The following GNRH2 variants were observed in gnomAD, a reference collection of about 807,000 sequenced individuals.
GNRH2 encodes the protein gonadotropin releasing hormone 2, also known as progonadoliberin-2.
GNRH2 carries 15 observed loss-of-function variants against 12.1 expected under a neutral mutation model. The observed-to-expected ratio is 1.24, with a 90% confidence interval of 0.83 to 1.90. The LOEUF is 1.90. GNRH2 is among the 40% of genes most tolerant of loss of function. The pLI is 0.00. For synonymous variants in GNRH2, 60 were observed against 62.0 expected (o/e 0.97, Z 0.15); for missense variants, 143 against 141.4 (o/e 1.01, Z -0.06).
Position 3,044,460 on chromosome 20 carries a change from G to C in GNRH2, c.46G>C (p.Ala16Pro). The change falls in exon 2 of 4, where the codon GCC becomes CCC. Residue 16 changes from alanine (A) to proline (P), a missense_variant. Physicochemically the swap from Ala to Pro is conservative, Grantham distance 27 (BLOSUM62 -1). Transcript: ENST00000359100. ...RGLLLLLLLT[A>P]HLGPSEAQHW... is the part of the protein sequence containing the mutation. ...CCTCCTGCTCCTGCTGCTGCTGACT[G>C]CCCACCTTGGACCCTCAGAGGCTCA... The C allele has an allele frequency of 6.2e-7, 1 of 1,613,482 alleles. No homozygotes were observed. The highest frequency in any genetic ancestry group is 8.5e-7 in the Non-Finnish European group (1 of 1,179,660).
At chr20:3,043,752 C>G (rs2065957851) in intron 1 of GNRH2, 87 bp downstream of exon 1, 1 of 152,610 alleles carries the variant, frequency 6.6e-6, no homozygotes, top group Non-Finnish European at 1.5e-5. Context: ...TTCCCCATTC[C>G]CAGGTGCCTC....
Position 3,044,707 on chromosome 20 carries a change from C to T in GNRH2, c.162C>T (p.Ser54=), listed in dbSNP as rs763222586. ...GGGCCCTGGACACTGCAGCAGGCAG[C>T]CCAGTCCAGACTGCCCATGGCCTCC... ...PQNALRPPAG[S]PVQTAHGLPS... Residue 54 remains serine, a synonymous_variant, in exon 3 of 4, where the codon AGC becomes AGT. Transcript: ENST00000359100. 1.2e-6 allele frequency: 2 copies of T among 1,610,022 alleles called. No individual in the cohort carries two copies. The highest frequency in any genetic ancestry group is 8.5e-7 in the Non-Finnish European group (1 of 1,177,836).
At chr20:3,043,751 C>T (rs1447012231) in intron 1 of GNRH2, 86 bp downstream of exon 1, 3 of 152,658 alleles carry the variant, frequency 2.0e-5, no homozygotes, top group Admixed American at 6.5e-5. Context: ...CTTCCCCATT[C>T]CCAGGTGCCT....
At chr20:3,045,197 A>T (rs2065975896) in intron 3 of GNRH2, among the ~76,000 whole-genome samples, 1 of 151,120 alleles carries the variant, frequency 6.6e-6, no homozygotes, top group South Asian at 2.1e-4. Context: ...GCCAGTGGAA[A>T]GAGGTGAGGG....
intron 3 of GNRH2, 86 bp downstream of exon 3, chr20:3,044,922 T>G (rs1600306190): frequency 5.5e-5 from 62 of 1,120,816 alleles, no homozygotes; most frequent in African/African-American, 7.7e-5. Context: ...GCTGGGAGGG[T>G]GGGGAGAATG....
At chr20:3,044,135 G>A in intron 1 of GNRH2, 1 of 453,244 alleles carries the variant, frequency 2.2e-6, no homozygotes, top group Non-Finnish European at 4.0e-6. Flanking sequence ...CTGGACAAGT[G>A]GGAGGGCCCT....
chr20:3,044,286 G>C (rs2065962110), intron 1 of GNRH2, 122 bp from the exon 2 acceptor site: 1 of 720,788 alleles, frequency 1.4e-6, no homozygotes, highest in Non-Finnish European at 2.4e-6. Flanking sequence ...GGCAGAGAGG[G>C]AAGGGCATAA....
At position 3,045,708 on chromosome 20, in the gene GNRH2, C is replaced by T. The variant is rs761550854; in HGVS notation, c.314C>T (p.Pro105Leu). 6.2e-7 allele frequency: 1 copy of T among 1,610,842 alleles called. No homozygotes were observed. Among genetic ancestry groups the T allele is most frequent in the South Asian group, 1.1e-5 (1 of 90,916 alleles). ...TLLTAAREPR[P>L]APPSSNKV The stretch of plus-strand genomic sequence containing the variant: ...CAGACCGCAGCCCGAGAGCCCCGCC[C>T]CGCCCCGCCATCCTCCAATAAAGTG... The change falls in exon 4 of 4, where the codon CCC (proline) becomes CTC (leucine). Residue 105 changes from proline (P) to leucine (L), a missense_variant. By Grantham distance (98) the Pro-to-Leu change is moderately conservative. Coordinates refer to ENST00000359100, the MANE Select transcript of GNRH2 (RefSeq NM_178331.2).
chr20:3,044,963 A>G, intron 3 of GNRH2, 127 bp downstream of exon 3: 1 of 699,288 alleles, frequency 1.4e-6, no homozygotes, highest in Non-Finnish European at 2.4e-6. Context: ...CTGCCACAGC[A>G]CCCCCAGCCA....
chr20:3,045,625 G>A (rs1420766904), intron 3 of GNRH2, 61 bp from the exon 4 acceptor site: 3 of 1,399,264 alleles, frequency 2.1e-6, no homozygotes, highest in African/African-American at 1.4e-5. Flanking sequence ...CCAGGAAGAT[G>A]GCAGCTCGGC....
chr20:3,044,982 TGCCCCTACTGCACACA>T lies in GNRH2; in HGVS notation c.291+149_291+164del. Reference sequence around the variant, plus strand: ...CACAGCACCCCCAGCCATTTCTCAGTGCCCCTACTGCACACAGCAGGGTGCTGTCTGCTATCCTTCC... The same window carrying T: ...CACAGCACCCCCAGCCATTTCTCAGTGCAGGGTGCTGTCTGCTATCCTTCC... On this transcript the variant is annotated intron_variant, in intron 3 of 3. Coordinates refer to ENST00000359100, the MANE Select transcript of GNRH2 (RefSeq NM_178331.2). The T allele has an allele frequency of 6.2e-6, 4 of 648,070 alleles. No homozygotes were observed. The South Asian group carries it at 7.4e-5, about 12-fold the overall frequency. The allele number at this position is 648,070 out of a possible 1,614,324, so 40.1% of individuals were successfully genotyped here.
intron 3 of GNRH2, 106 bp from the exon 4 acceptor site, chr20:3,045,580 C>A: frequency 1.1e-6 from 1 of 935,366 alleles, no homozygotes; most frequent in Non-Finnish European, 1.7e-6. Flanking sequence ...TGTGGGAGGC[C>A]ACATGGGGAC....
Position 3,045,684 on chromosome 20 carries a change from A to C in GNRH2, c.292-2A>C. 6.2e-7 allele frequency: 1 copy of C among 1,610,398 alleles called. No homozygotes were observed. The highest frequency in any genetic ancestry group is 8.5e-7 in the Non-Finnish European group (1 of 1,177,664). On this transcript the variant is annotated splice_acceptor_variant, in intron 3 of 3. Transcript: ENST00000359100. LOFTEE classifies it high-confidence loss of function. The stretch of plus-strand genomic sequence containing the variant: ...ACATGACCGCCACCTCTCCCTCCGC[A>C]GACCGCAGCCCGAGAGCCCCGCCCC...
At chr20:3,044,278 CAG>C (rs2065962043) in intron 1 of GNRH2, 128 bp from the exon 2 acceptor site, 1 of 688,320 alleles carries the variant, frequency 1.5e-6, no homozygotes, top group Non-Finnish European at 2.6e-6. Context: ...GGAGCGGTGG[CAG>C]AGAGGGAAGG....
intron 3 of GNRH2, among the ~76,000 whole-genome samples, chr20:3,045,458 T>A (rs1460768810): frequency 6.6e-6 from 1 of 151,890 alleles, no homozygotes; most frequent in Non-Finnish European, 1.5e-5. Flanking sequence ...TGTGCTGAGG[T>A]TTCTATGCGT....
chr20:3,044,945 G>T (rs1348252093), intron 3 of GNRH2, 109 bp downstream of exon 3: 1 of 833,976 alleles, frequency 1.2e-6, no homozygotes, highest in Non-Finnish European at 1.9e-6. Flanking sequence ...ACACCACTGA[G>T]ATGCCCCCTG....
intron 3 of GNRH2, 89 bp downstream of exon 3, chr20:3,044,925 G>A: frequency 9.1e-7 from 1 of 1,103,416 alleles, no homozygotes; most frequent in Admixed American, 2.3e-5. Flanking sequence ...GGGAGGGTGG[G>A]GAGAATGAAA....
intron 3 of GNRH2, 26 bp from the exon 4 acceptor site, chr20:3,045,660 C>T: frequency 6.3e-7 from 1 of 1,599,856 alleles, no homozygotes; most frequent in Admixed American, 1.7e-5. Context: ...TGTCCTGAGA[C>T]ATGACCGCCA....
At position 3,044,466 on chromosome 20, in the gene GNRH2, C is replaced by T. The variant is rs562403614; in HGVS notation, c.52C>T (p.Leu18Phe). Reference protein sequence around the residue: ...LLLLLLLTAHLGPSEAQHWSH... With the variant: ...LLLLLLLTAHFGPSEAQHWSH... ...GCTCCTGCTGCTGCTGACTGCCCAC[C>T]TTGGACCCTCAGAGGCTCAGCACTG... is the stretch of plus-strand genomic sequence containing the variant. The change falls in exon 2 of 4, where the codon CTT (leucine) becomes TTT (phenylalanine). Residue 18 changes from leucine (L) to phenylalanine (F), a missense_variant. Leu to Phe is a conservative substitution (Grantham distance 22). Transcript: ENST00000359100. 2 of 1,613,514 alleles carry T rather than the reference C, an allele frequency of 1.2e-6. No individual in the cohort carries two copies. Among genetic ancestry groups the T allele is most frequent in the South Asian group, 2.2e-5 (2 of 91,082 alleles).
Sources: allele counts gnomAD v4.1 joint callset (sites outside exome capture counted in the v4.1 genomes callset), GRCh38; gene constraint gnomAD v4.1.1; transcripts MANE v1.5; gene names NCBI Gene and HGNC (gene_info 2026-07-23, HGNC 2026-07-21).